Variants in DMD observed in about 807,000 individuals in gnomAD.
DMD encodes the protein dystrophin.
DMD carries 63 observed loss-of-function variants against 330.1 expected under a neutral mutation model. The observed-to-expected ratio is 0.19, with a 90% CI of 0.16 to 0.24. The LOEUF (loss-of-function observed/expected upper bound fraction) is 0.24, where lower values mean the gene tolerates loss of function less well. Among genes scored for constraint, DMD ranks in the 10% least tolerant of loss-of-function variants. DMD has a pLI of 1.00. For synonymous variants in DMD, 1,223 were observed against 959.8 expected (o/e 1.27, Z -5.07); for missense variants, 3,344 against 2,684.1 (o/e 1.25, Z -5.43).
intron 1 of DMD, among the ~76,000 whole-genome samples, chrX:33,152,280 C>T (rs906773179): frequency 3.6e-5 from 4 of 109,745 alleles, no homozygotes; most frequent in Non-Finnish European, 7.6e-5. Flanking sequence ...AGTGATTCTC[C>T]TGCCTCAGCC....
intron 74 of DMD, among the ~76,000 whole-genome samples, chrX:31,155,583 A>T (rs16998128): frequency 0.12 from 13,339 of 112,062 alleles, 1,420 homozygotes; most frequent in African/African-American, 0.33. Flanking sequence ...CAGAACTATT[A>T]CAGCAGCTAT....
At chrX:31,287,254 G>A (rs1385025360) in intron 62 of DMD, among the ~76,000 whole-genome samples, 1 of 111,920 alleles carries the variant, frequency 8.9e-6, no homozygotes, top group Non-Finnish European at 1.9e-5. Context: ...AGGAGGTATC[G>A]TGACCTTAGA....
chrX:31,184,974 G>GT (rs2041610469), intron 67 of DMD, among the ~76,000 whole-genome samples: 2 of 63,080 alleles, frequency 3.2e-5, no homozygotes, highest in Admixed American at 2.1e-4. Flanking sequence ...TGGGGTGGGG[G>GT]GAGGGGGGAG....
chrX:32,289,839 C>T (rs1462939677), intron 42 of DMD, among the ~76,000 whole-genome samples: 2 of 111,831 alleles, frequency 1.8e-5, no homozygotes, highest in East Asian at 5.7e-4. Flanking sequence ...TAATCCACCC[C>T]TTGTTTAGCA....
At chrX:32,666,692 G>A (rs760862554) in intron 9 of DMD, among the ~76,000 whole-genome samples, 13 of 110,029 alleles carry the variant, frequency 1.2e-4, no homozygotes, top group African/African-American at 4.3e-4. Flanking sequence ...AGCCAGGCGT[G>A]GTGGTGGGTG....
intron 1 of DMD, among the ~76,000 whole-genome samples, chrX:33,148,768 C>T (rs934469759): frequency 1.8e-5 from 2 of 112,145 alleles, no homozygotes; most frequent in African/African-American, 6.5e-5. Context: ...TCTCCATTCC[C>T]TTTGTTAGAT....
chrX:31,694,131 A>G (rs2148826970), intron 52 of DMD, among the ~76,000 whole-genome samples: 1 of 111,615 alleles, frequency 9.0e-6, no homozygotes, highest in Non-Finnish European at 1.9e-5. Context: ...TTTTTGACAA[A>G]GGTAGCAAGA....
At chrX:31,297,346 G>A (rs1031127641) in intron 62 of DMD, among the ~76,000 whole-genome samples, 3 of 111,136 alleles carry the variant, frequency 2.7e-5, no homozygotes, top group South Asian at 7.8e-4. Flanking sequence ...TAGAGCAAGT[G>A]ACTAGTAGTG....
Position 32,463,492 on chromosome X carries a change from G to C in DMD, c.3379C>G (p.Leu1127Val), listed in dbSNP as rs141887693. Residue 1127 changes from leucine to valine, a missense_variant, in exon 25 of 79, where the codon CTT (leucine) becomes GTT (valine). Physicochemically the swap from Leu to Val is conservative, Grantham distance 32. Coordinates refer to ENST00000357033, the MANE Select transcript of DMD (RefSeq NM_004006.3). ...TTAAGTTCTTTGAGTTCTGTCTCAA[G>C]TCTCGAAGCAAACTCTGGCTCTGCT... The part of the protein sequence containing the change: ...NEAEPEFASR[L>V]ETELKELNTQ... 28 of 1,205,567 alleles carry C rather than the reference G, an allele frequency of 2.3e-5. No individual in the cohort carries two copies. The African/African-American group carries it at 4.6e-4, about 20-fold the overall frequency.
chrX:31,616,933 C>G (rs1030236073), intron 55 of DMD, among the ~76,000 whole-genome samples: 2 of 111,407 alleles, frequency 1.8e-5, no homozygotes, highest in East Asian at 2.8e-4. Context: ...GATCTGAACT[C>G]TCTGACTGAA....
chrX:32,238,487 G>C (rs1424076291), intron 43 of DMD, among the ~76,000 whole-genome samples: 3 of 110,910 alleles, frequency 2.7e-5, no homozygotes, highest in Non-Finnish European at 5.7e-5. Flanking sequence ...GAGAGACACA[G>C]AGAGAGATAG....
chrX:31,680,548 T>G (rs935712064), intron 52 of DMD, among the ~76,000 whole-genome samples: 1 of 109,749 alleles, frequency 9.1e-6, no homozygotes, highest in African/African-American at 3.3e-5. Context: ...TTTTTTTTTT[T>G]TGTATTTTTA....
At chrX:32,619,830 C>T (rs1602223551) in intron 11 of DMD, among the ~76,000 whole-genome samples, 1 of 111,369 alleles carries the variant, frequency 9.0e-6, no homozygotes, top group East Asian at 2.8e-4. Flanking sequence ...CTAGCATCCC[C>T]GGAACTGGAA....
At chrX:32,156,302 C>A (rs1411369498) in intron 44 of DMD, among the ~76,000 whole-genome samples, 8 of 112,022 alleles carry the variant, frequency 7.1e-5, no homozygotes, top group Non-Finnish European at 1.1e-4. Context: ...ATCTTTTGAA[C>A]CCGGGAGGCA....
intron 52 of DMD, among the ~76,000 whole-genome samples, chrX:31,702,924 G>A (rs2148872626): frequency 9.5e-6 from 1 of 104,805 alleles, no homozygotes; most frequent in South Asian, 4.7e-4. Context: ...GCACCATCTT[G>A]GCTCACTGCC....
intron 52 of DMD, among the ~76,000 whole-genome samples, chrX:31,701,550 A>T (rs2083810632): frequency 8.9e-6 from 1 of 111,742 alleles, no homozygotes; most frequent in Admixed American, 9.5e-5. Flanking sequence ...ATGAGAAGTG[A>T]TTCCATCTTT....
chrX:31,615,757 G>A (rs760728681), intron 55 of DMD, among the ~76,000 whole-genome samples: 14 of 111,811 alleles, frequency 1.3e-4, no homozygotes, highest in African/African-American at 3.6e-4. Flanking sequence ...TCATTCACAC[G>A]TCTATTTCTT....
intron 15 of DMD, among the ~76,000 whole-genome samples, chrX:32,568,386 T>C (rs1347205569): frequency 9.2e-6 from 1 of 109,279 alleles, no homozygotes; most frequent in Non-Finnish European, 1.9e-5. Flanking sequence ...TGCATGCCTG[T>C]GGTCCCAGCG....
chrX:31,829,641 G>A (rs1003413869), intron 49 of DMD, among the ~76,000 whole-genome samples: 1 of 106,011 alleles, frequency 9.4e-6, no homozygotes, highest in African/African-American at 3.4e-5. Flanking sequence ...TAATGTATTT[G>A]TTTAATACAA....
Sources: gnomAD v4.1 joint callset for allele counts (sites outside exome capture counted in the v4.1 genomes callset) on GRCh38, gnomAD v4.1.1 for gene constraint, MANE v1.5 for transcripts, NCBI Gene and HGNC (gene_info 2026-07-23, HGNC 2026-07-21) for gene names.